ZDHHC15: variants seen among roughly 807,000 people sequenced by gnomAD.
The protein encoded by ZDHHC15 is palmitoyltransferase ZDHHC15.
A neutral mutation model predicts 31.7 loss-of-function variants in ZDHHC15; 19 were observed. That is an observed-to-expected ratio of 0.60 (90% CI 0.42 to 0.88). The LOEUF (loss-of-function observed/expected upper bound fraction) is 0.88. ZDHHC15 is among the 40% of genes least tolerant of loss of function. The pLI is 0.00. For synonymous variants in ZDHHC15, 103 were observed against 90.0 expected (o/e 1.14, Z -0.82); for missense variants, 209 against 251.2 (o/e 0.83, Z 1.14).
chrX:75,440,424 C>T (rs192407969), intron 4 of ZDHHC15, among the ~76,000 whole-genome samples: 312 of 111,060 alleles, frequency 2.8e-3, no homozygotes, highest in South Asian at 5.4e-3. Context: ...GGACTACAGG[C>T]GCCCACCACC....
chrX:75,475,615 AC>A (rs779317929), intron 3 of ZDHHC15, among the ~76,000 whole-genome samples: 200 of 112,079 alleles, frequency 1.8e-3, no homozygotes, highest in African/African-American at 5.9e-3. Flanking sequence ...TGTTTTGATT[AC>A]TGTAGCTTTG....
In ZDHHC15 at chrX:75,370,430, T is replaced by C. The variant is rs1409867526; in HGVS notation, c.*2548A>G. On this transcript the variant is annotated 3_prime_UTR_variant, in exon 12 of 12. Coordinates refer to ENST00000373367, the MANE Select transcript of ZDHHC15 (RefSeq NM_144969.3). ...AAATGATCCATGGATAGGGATATTA[T>C]CAGAGTCTATAAACCAATGAGACCA... is the stretch of plus-strand genomic sequence containing the variant. 1.8e-5 allele frequency: 2 copies of C among 111,074 alleles called. No individual in the cohort carries two copies. The highest frequency in any genetic ancestry group is 6.6e-5 in the African/African-American group (2 of 30,485). 9.2% of individuals were successfully genotyped at this position (111,074 alleles called of 1,213,427 possible). A position where few individuals can be genotyped will look rare whatever the true frequency, so the allele number is the denominator to read the frequency against.
chrX:75,413,319 G>T (rs1471215692), intron 10 of ZDHHC15, among the ~76,000 whole-genome samples: 4 of 111,792 alleles, frequency 3.6e-5, no homozygotes, highest in African/African-American at 6.5e-5. Flanking sequence ...TATTAACTGT[G>T]GCTGTCTCCT....
At chrX:75,386,659 T>G (rs1336351593) in intron 10 of ZDHHC15, among the ~76,000 whole-genome samples, 2 of 111,556 alleles carry the variant, frequency 1.8e-5, no homozygotes, top group Non-Finnish European at 3.8e-5. Context: ...TAGTTTTTCA[T>G]AGAGAAGAGG....
chrX:75,424,209 G>T (rs890466741), intron 8 of ZDHHC15, among the ~76,000 whole-genome samples: 53 of 110,457 alleles, frequency 4.8e-4, no homozygotes, highest in Non-Finnish European at 8.9e-4. Flanking sequence ...TCTTGTTGTG[G>T]TTGGTTTGGA....
chrX:75,443,475 G>T (rs1602633425), intron 4 of ZDHHC15, among the ~76,000 whole-genome samples: 1 of 111,805 alleles, frequency 8.9e-6, no homozygotes, highest in East Asian at 2.8e-4. Context: ...ATTCAAGATG[G>T]ATTAAAGACT....
At chrX:75,408,849 A>G (rs6607551) in intron 10 of ZDHHC15, among the ~76,000 whole-genome samples, 20,243 of 111,954 alleles carry the variant, frequency 0.18, 1,971 homozygotes, top group East Asian at 0.86. Flanking sequence ...CATTTCAAAT[A>G]GTTACAAAGT....
At chrX:75,447,134 C>G (rs1320542145) in intron 4 of ZDHHC15, among the ~76,000 whole-genome samples, 1 of 111,840 alleles carries the variant, frequency 8.9e-6, no homozygotes, top group African/African-American at 3.3e-5. Flanking sequence ...ACTGCCACTG[C>G]TGACTACCCA....
chrX:75,508,205 T>C (rs1182008587), intron 1 of ZDHHC15, among the ~76,000 whole-genome samples: 2 of 109,790 alleles, frequency 1.8e-5, no homozygotes, highest in Non-Finnish European at 3.8e-5. Flanking sequence ...TGCAGGTTCA[T>C]TGCAGATGTA....
intron 10 of ZDHHC15, among the ~76,000 whole-genome samples, chrX:75,383,711 TACCCCA>T (rs1189982564): frequency 1.9e-5 from 2 of 104,292 alleles, no homozygotes; most frequent in African/African-American, 6.9e-5. Context: ...TCACCCCCAC[TACCCCA>T]AATTTAAGAA....
intron 2 of ZDHHC15, among the ~76,000 whole-genome samples, chrX:75,482,079 C>G (rs2084696974): frequency 9.0e-6 from 1 of 110,857 alleles, no homozygotes; most frequent in South Asian, 3.8e-4. Context: ...CATGACAGTA[C>G]AAGAATTGCT....
chrX:75,485,758 C>T (rs938705193), intron 2 of ZDHHC15, among the ~76,000 whole-genome samples: 1 of 112,248 alleles, frequency 8.9e-6, no homozygotes, highest in African/African-American at 3.2e-5. Context: ...ACAATAGACA[C>T]TACCAAAGCT....
chrX:75,405,160 A>G lies in ZDHHC15; in HGVS notation c.967+11927T>C, dbSNP rs761587975. Among the ~76,000 whole-genome samples the G allele has an allele frequency of 2.7e-4, 30 of 111,767 alleles. No homozygotes were observed. In the South Asian group the frequency reaches 0.011, roughly 39 times the overall value. Reference sequence around the variant, plus strand: ...CCAAATACTGCATGTTCTCACTTATAAGTGGGAGCTAAATGATGAGAACTT... The same window carrying G: ...CCAAATACTGCATGTTCTCACTTATGAGTGGGAGCTAAATGATGAGAACTT... On this transcript the variant is annotated intron_variant, in intron 10 of 11. Transcript: ENST00000373367.
chrX:75,493,829 C>T (rs941691444), intron 2 of ZDHHC15, among the ~76,000 whole-genome samples: 26 of 111,619 alleles, frequency 2.3e-4, no homozygotes, highest in African/African-American at 8.5e-4. Flanking sequence ...CAATATCATA[C>T]TGAATGGGCA....
At chrX:75,444,205 C>G (rs1402312638) in intron 4 of ZDHHC15, among the ~76,000 whole-genome samples, 4 of 110,523 alleles carry the variant, frequency 3.6e-5, no homozygotes, top group Non-Finnish European at 7.6e-5. Context: ...ATAGCAAAGA[C>G]TTGGAACTAA....
chrX:75,513,949 T>C (rs2085316769), intron 1 of ZDHHC15, among the ~76,000 whole-genome samples: 1 of 111,700 alleles, frequency 9.0e-6, no homozygotes, highest in African/African-American at 3.2e-5. Context: ...CAGTGAAATG[T>C]GATATTTAAA....
At chrX:75,442,024 C>T (rs2083949696) in intron 4 of ZDHHC15, among the ~76,000 whole-genome samples, 2 of 111,889 alleles carry the variant, frequency 1.8e-5, no homozygotes, top group South Asian at 7.6e-4. Flanking sequence ...CTCCTATATG[C>T]CGTATTTTTG....
At chrX:75,430,011 G>T (rs767271670) in intron 5 of ZDHHC15, 31 bp from the exon 6 acceptor site, 1 of 1,193,367 alleles carries the variant, frequency 8.4e-7, no homozygotes, top group South Asian at 1.8e-5. Flanking sequence ...AGTGTGATAA[G>T]TGAGGCTATG....
chrX:75,461,239 A>G (rs1220090187), intron 3 of ZDHHC15, among the ~76,000 whole-genome samples: 4 of 112,168 alleles, frequency 3.6e-5, no homozygotes, highest in African/African-American at 9.7e-5. Context: ...AATAGAGAAT[A>G]AGGAATAAAA....
Sources: gnomAD v4.1 joint callset for allele counts (sites outside exome capture counted in the v4.1 genomes callset) on GRCh38, gnomAD v4.1.1 for gene constraint, MANE v1.5 for transcripts, NCBI Gene and HGNC (gene_info 2026-07-23, HGNC 2026-07-21) for gene names.